The following ADCY2 variants were observed in gnomAD, a reference collection of about 807,000 sequenced individuals.
The protein encoded by ADCY2 is adenylate cyclase type 2.
Under a neutral mutation model 125.2 loss-of-function variants are expected in ADCY2, and 31 were observed. The ratio of observed to expected loss-of-function variants is 0.25; its 90% confidence interval spans 0.19 to 0.33. The LOEUF is 0.33. Among genes scored for constraint, ADCY2 ranks in the 10% least tolerant of loss-of-function variants. The probability of loss-of-function intolerance (pLI) is 1.00; values close to 1 mark genes in which losing one functional copy is unlikely to be tolerated. For synonymous variants in ADCY2, 512 were observed against 548.4 expected (o/e 0.93, Z 0.93); for missense variants, 904 against 1,418.2 (o/e 0.64, Z 5.82).
chr5:7,631,323 G>A (rs1005828642), intron 4 of ADCY2, among the ~76,000 whole-genome samples: 10 of 152,326 alleles, frequency 6.6e-5, no homozygotes, highest in South Asian at 2.1e-4. Context: ...TTGTGGGACC[G>A]TTAGTCAGCC....
rs955826868 is a variant in ADCY2, at chr5:7,789,884, A to G, written c.2628+84A>G. 8 of 1,134,038 alleles carry G rather than the reference A, an allele frequency of 7.1e-6. No individual in the cohort carries two copies. In the South Asian group the frequency reaches 1.1e-4, roughly 16 times the overall value. 70.2% of individuals were successfully genotyped at this position (1,134,038 alleles called of 1,614,324 possible). On this transcript the variant is annotated intron_variant, in intron 20 of 24. Coordinates refer to ENST00000338316, the MANE Select transcript of ADCY2 (RefSeq NM_020546.3). ...GAGGGCTGAAAGCTTCTTCAGTGACATAAAGGCTGCAGTACTTCACACATC... is the reference window on the plus strand; with the variant it reads ...GAGGGCTGAAAGCTTCTTCAGTGACGTAAAGGCTGCAGTACTTCACACATC...
At chr5:7,666,053 T>C (rs1018993093) in intron 4 of ADCY2, among the ~76,000 whole-genome samples, 3 of 151,440 alleles carry the variant, frequency 2.0e-5, no homozygotes, top group South Asian at 2.1e-4. Context: ...TTAGCCAGGA[T>C]GGTCTCGATC....
chr5:7,638,619 C>T (rs1383836838), intron 4 of ADCY2, among the ~76,000 whole-genome samples: 1 of 152,234 alleles, frequency 6.6e-6, no homozygotes, highest in East Asian at 1.9e-4. Context: ...AGCACAGACT[C>T]TTCCTGTGAC....
intron 3 of ADCY2, among the ~76,000 whole-genome samples, chr5:7,547,811 C>A (rs1353587807): frequency 6.6e-6 from 1 of 152,198 alleles, no homozygotes; most frequent in Non-Finnish European, 1.5e-5. Flanking sequence ...ACACCCTCAC[C>A]ATGTCAGACT....
chr5:7,640,100 G>A (rs941888395), intron 4 of ADCY2, among the ~76,000 whole-genome samples: 2 of 152,188 alleles, frequency 1.3e-5, no homozygotes, highest in Admixed American at 6.5e-5. Context: ...GGATACAGTT[G>A]TGACGACAGT....
chr5:7,449,427 C>G (rs1411931833), intron 2 of ADCY2, among the ~76,000 whole-genome samples: 1 of 152,138 alleles, frequency 6.6e-6, no homozygotes, highest in Non-Finnish European at 1.5e-5. Context: ...AAAAGAGCAC[C>G]TCTGCCTTAC....
intron 3 of ADCY2, among the ~76,000 whole-genome samples, chr5:7,602,936 A>G (rs957657052): frequency 2.0e-5 from 3 of 152,204 alleles, no homozygotes; most frequent in African/African-American, 7.2e-5. Flanking sequence ...AAGGAAGTCC[A>G]GACATGGGGG....
intron 5 of ADCY2, chr5:7,692,363 CTCATA>C (rs1446593610): frequency 2.0e-5 from 3 of 152,090 alleles, no homozygotes. Flanking sequence ...ATATAGGAAA[CTCATA>C]TCAGGAAGGA....
chr5:7,509,721 G>T (rs1743985742), intron 2 of ADCY2, among the ~76,000 whole-genome samples: 1 of 152,268 alleles, frequency 6.6e-6, no homozygotes. Flanking sequence ...AACATTTAAA[G>T]AAATATTTTC....
chr5:7,638,693 C>T lies in ADCY2; in HGVS notation c.720+12377C>T, dbSNP rs78048371. Among the ~76,000 whole-genome samples, 1,473 of 152,252 alleles carry T rather than the reference C, an allele frequency of 9.7e-3. 78 individuals are homozygous for T. In the East Asian group the frequency reaches 0.15, roughly 16 times the overall value. ...CAGCAGCCACCAGAGAGTTGGATCC[C>T]GGATGAAGTGACTCAGAGATTCATT... On this transcript the variant is annotated intron_variant, in intron 4 of 24. Transcript: ENST00000338316.
At chr5:7,523,485 AAC>A (rs1744538287) in intron 3 of ADCY2, among the ~76,000 whole-genome samples, 1 of 152,248 alleles carries the variant, frequency 6.6e-6, no homozygotes, top group Non-Finnish European at 1.5e-5. Flanking sequence ...ATAAAGGAAC[AAC>A]ACCCAAAAGA....
chr5:7,674,992 A>G (rs1202439449), intron 4 of ADCY2, among the ~76,000 whole-genome samples: 3 of 152,040 alleles, frequency 2.0e-5, no homozygotes, highest in Non-Finnish European at 4.4e-5. Flanking sequence ...CGTCTCTACT[A>G]AAAATACAAA....
intron 4 of ADCY2, among the ~76,000 whole-genome samples, chr5:7,632,721 A>C (rs1451572993): frequency 6.6e-6 from 1 of 152,234 alleles, no homozygotes; most frequent in Non-Finnish European, 1.5e-5. Flanking sequence ...TTAAATTCTC[A>C]TGAAGCTCAG....
chr5:7,701,748 T>A (rs1741084696), intron 7 of ADCY2, among the ~76,000 whole-genome samples: 1 of 152,234 alleles, frequency 6.6e-6, no homozygotes, highest in African/African-American at 2.4e-5. Flanking sequence ...TCATATAATA[T>A]CTTTCCTTTT....
chr5:7,508,053 GTTC>G (rs1255958494), intron 2 of ADCY2, among the ~76,000 whole-genome samples: 1 of 151,200 alleles, frequency 6.6e-6, no homozygotes, highest in Non-Finnish European at 1.5e-5. Context: ...ACTTTTTTCA[GTTC>G]TTCTTCTGAT....
At chr5:7,715,368 G>A (rs1022600920) in intron 11 of ADCY2, among the ~76,000 whole-genome samples, 13 of 152,136 alleles carry the variant, frequency 8.5e-5, no homozygotes, top group Non-Finnish European at 1.6e-4. Flanking sequence ...TTTCCTGTAA[G>A]CCTCAACATT....
At chr5:7,590,142 A>G (rs1561113088) in intron 3 of ADCY2, among the ~76,000 whole-genome samples, 1 of 152,220 alleles carries the variant, frequency 6.6e-6, no homozygotes, top group Non-Finnish European at 1.5e-5. Flanking sequence ...AAATGAAATG[A>G]GTCACTTGGG....
At chr5:7,811,513 A>G (rs1744943986) in intron 22 of ADCY2, among the ~76,000 whole-genome samples, 2 of 128,622 alleles carry the variant, frequency 1.6e-5, no homozygotes, top group South Asian at 2.1e-4. Context: ...AAAAAAAAAG[A>G]AAAAAAATCT....
chr5:7,816,048 C>T (rs1359246080), intron 22 of ADCY2, among the ~76,000 whole-genome samples: 2 of 152,150 alleles, frequency 1.3e-5, no homozygotes, highest in Non-Finnish European at 2.9e-5. Context: ...TAAAAGGACA[C>T]CAGTCATATT....
Sources: gnomAD v4.1 joint callset for allele counts (sites outside exome capture counted in the v4.1 genomes callset) on GRCh38, gnomAD v4.1.1 for gene constraint, MANE v1.5 for transcripts, NCBI Gene and HGNC (gene_info 2026-07-23, HGNC 2026-07-21) for gene names.